SERINC5: variants seen among roughly 807,000 people sequenced by gnomAD.
SERINC5 encodes the protein serine incorporator 5.
SERINC5 carries 41 observed loss-of-function variants against 63.1 expected under a neutral mutation model. The observed-to-expected ratio is 0.65, with a 90% CI of 0.51 to 0.84. The LOEUF (loss-of-function observed/expected upper bound fraction) is 0.84, where lower values mean the gene tolerates loss of function less well. Ranked by LOEUF, SERINC5 falls within the 40% of genes least tolerant of loss-of-function variation. The probability of loss-of-function intolerance (pLI) is 0.00; values close to 1 mark genes in which losing one functional copy is unlikely to be tolerated. For synonymous variants in SERINC5, 222 were observed against 215.2 expected (o/e 1.03, Z -0.28); for missense variants, 523 against 573.0 (o/e 0.91, Z 0.89).
In SERINC5 at chr5:80,223,282, C is replaced by A. The variant is rs1467103193; in HGVS notation, c.28-20229G>T. ...TATCAAAATTCTCATATGCTCAAGT[C>A]CCTGATATAAAATGGAATTTGCATA... On this transcript the variant is annotated intron_variant, in intron 1 of 11. Transcript: ENST00000507668. 2.0e-5 allele frequency among the ~76,000 whole-genome samples: 3 copies of A among 152,144 alleles called. No individual in the cohort carries two copies. The East Asian group carries it at 5.8e-4, about 29-fold the overall frequency.
At chr5:80,120,391 C>A (rs543191957) in intron 11 of SERINC5, among the ~76,000 whole-genome samples, 3 of 152,186 alleles carry the variant, frequency 2.0e-5, no homozygotes, top group African/African-American at 7.2e-5. Context: ...GGATCTACAA[C>A]ATGGAAGGAG....
At chr5:80,240,644 G>A (rs1215259220) in intron 1 of SERINC5, among the ~76,000 whole-genome samples, 1 of 152,024 alleles carries the variant, frequency 6.6e-6, no homozygotes, top group Non-Finnish European at 1.5e-5. Flanking sequence ...ATGTCCAAAA[G>A]GAAAATAAAA....
intron 1 of SERINC5, among the ~76,000 whole-genome samples, chr5:80,229,293 G>C (rs1465171646): frequency 6.6e-6 from 1 of 151,344 alleles, no homozygotes; most frequent in Non-Finnish European, 1.5e-5. Flanking sequence ...CAAAGTGCTG[G>C]GATCACAGGG....
chr5:80,235,206 C>T (rs1343558027), intron 1 of SERINC5, among the ~76,000 whole-genome samples: 1 of 152,156 alleles, frequency 6.6e-6, no homozygotes, highest in Non-Finnish European at 1.5e-5. Context: ...TTATTGTATA[C>T]TTTTATTTCA....
chr5:80,166,977 T>G (rs1250792823), intron 6 of SERINC5: 1 of 153,932 alleles, frequency 6.5e-6, no homozygotes, highest in African/African-American at 2.4e-5. Flanking sequence ...ATCAAAAAGC[T>G]TTTGGGGACA....
intron 2 of SERINC5, among the ~76,000 whole-genome samples, chr5:80,182,463 G>A (rs573846414): frequency 8.7e-5 from 13 of 150,268 alleles, no homozygotes; most frequent in African/African-American, 2.7e-4. Flanking sequence ...CTCCCATTAC[G>A]TGTTGCCAGC....
chr5:80,245,589 T>A (rs1752133076), intron 1 of SERINC5, among the ~76,000 whole-genome samples: 1 of 150,996 alleles, frequency 6.6e-6, no homozygotes, highest in African/African-American at 2.4e-5. Context: ...TTCATTATTC[T>A]AGGCACCCAG....
chr5:80,195,093 C>A (rs1749417566), intron 2 of SERINC5, among the ~76,000 whole-genome samples: 1 of 152,058 alleles, frequency 6.6e-6, no homozygotes, highest in African/African-American at 2.4e-5. Context: ...TCGAGACCAG[C>A]CTGACCAACA....
chr5:80,188,715 C>T (rs1186955265), intron 2 of SERINC5, among the ~76,000 whole-genome samples: 1 of 152,078 alleles, frequency 6.6e-6, no homozygotes, highest in African/African-American at 2.4e-5. Context: ...GTGAGAGACC[C>T]CGTCTCTACA....
At chr5:80,117,590 T>C (rs1744383560) in intron 11 of SERINC5, among the ~76,000 whole-genome samples, 1 of 148,006 alleles carries the variant, frequency 6.8e-6, no homozygotes, top group South Asian at 2.1e-4. Flanking sequence ...TGCTGCCTTG[T>C]GGTTTTGCTC....
chr5:80,174,402 T>TAATAATAATAATAATAAA (rs1217180036), intron 5 of SERINC5, among the ~76,000 whole-genome samples: 2 of 143,012 alleles, frequency 1.4e-5, no homozygotes, highest in South Asian at 2.2e-4. Context: ...ATAATAATAA[T>TAATAATAATAATAATAAA]AAAAGAAAAA....
intron 7 of SERINC5, among the ~76,000 whole-genome samples, chr5:80,165,391 T>G (rs1319575517): frequency 6.6e-6 from 1 of 152,196 alleles, no homozygotes; most frequent in Admixed American, 6.5e-5. Context: ...GACACTACAT[T>G]TATTTGACTT....
intron 1 of SERINC5, among the ~76,000 whole-genome samples, chr5:80,250,810 AC>A (rs1752376296): frequency 6.6e-6 from 1 of 152,190 alleles, no homozygotes; most frequent in African/African-American, 2.4e-5. Context: ...ATTTACAGCG[AC>A]CAACCCTTTG....
intron 2 of SERINC5, among the ~76,000 whole-genome samples, chr5:80,191,917 T>G (rs1749215285): frequency 6.6e-6 from 1 of 152,210 alleles, no homozygotes; most frequent in Admixed American, 6.5e-5. Flanking sequence ...TTGAGAGAGA[T>G]GGGAGAATAA....
chr5:80,195,460 T>C (rs1023535646), intron 2 of SERINC5, among the ~76,000 whole-genome samples: 3 of 152,154 alleles, frequency 2.0e-5, no homozygotes, highest in Non-Finnish European at 4.4e-5. Context: ...GTATTTGCTG[T>C]CTCTTCTCAA....
intron 4 of SERINC5, among the ~76,000 whole-genome samples, chr5:80,176,843 C>T (rs766091930): frequency 7.9e-5 from 12 of 152,214 alleles, no homozygotes; most frequent in African/African-American, 1.9e-4. Context: ...TGAAAAAGGG[C>T]GCCCTGTTTC....
At chr5:80,206,840 A>T (rs1750191992) in intron 1 of SERINC5, among the ~76,000 whole-genome samples, 1 of 133,166 alleles carries the variant, frequency 7.5e-6, no homozygotes, top group African/African-American at 2.9e-5. Flanking sequence ...TAAGAGACAG[A>T]GTTTCATTGT....
intron 1 of SERINC5, among the ~76,000 whole-genome samples, chr5:80,244,698 C>T (rs550047133): frequency 2.0e-5 from 3 of 151,808 alleles, no homozygotes; most frequent in Non-Finnish European, 4.4e-5. Flanking sequence ...GGCATGCGCC[C>T]GTAATCCCAG....
chr5:80,121,746 A>AACT (rs995471670), intron 11 of SERINC5, among the ~76,000 whole-genome samples: 95 of 152,290 alleles, frequency 6.2e-4, no homozygotes, highest in African/African-American at 2.2e-3. Context: ...GGACTCAAGA[A>AACT]ACTACCAATC....
Sources: allele counts gnomAD v4.1 joint callset (sites outside exome capture counted in the v4.1 genomes callset), GRCh38; gene constraint gnomAD v4.1.1; transcripts MANE v1.5; gene names NCBI Gene and HGNC (gene_info 2026-07-23, HGNC 2026-07-21).